The following MARS1 variants were observed in gnomAD, a reference collection of about 807,000 sequenced individuals.
The protein encoded by MARS1 is methionine--tRNA ligase, cytoplasmic.
MARS1 carries 80 observed loss-of-function variants against 119.5 expected under a neutral mutation model. That is an observed-to-expected ratio of 0.67 (90% CI 0.56 to 0.81). The LOEUF (loss-of-function observed/expected upper bound fraction) is 0.81. MARS1 is among the 30% of genes least tolerant of loss of function. The pLI is 0.00. For missense variants in MARS1, 945 were observed against 1,116.5 expected (o/e 0.85, Z 2.19); for synonymous variants, 418 against 433.4 (o/e 0.96, Z 0.44).
intron 11 of MARS1, among the ~76,000 whole-genome samples, chr12:57,505,499 C>T (rs528010373): frequency 1.3e-5 from 2 of 152,006 alleles, no homozygotes; most frequent in South Asian, 2.1e-4. Context: ...TCCTTCTGTA[C>T]CCTGGGCTTG....
rs774583761 is a variant in MARS1 at position 57,516,588 on chromosome 12, T to C, written c.*7T>C. On this transcript the variant is annotated 3_prime_UTR_variant, in exon 21 of 21. Transcript: ENST00000262027. ...AGGCAAGAAGAAAAAGTAAAAGACC[T>C]TGGCTCATAGAAAGTCACTTTAATA... The C allele has an allele frequency of 5.8e-6, 9 of 1,564,872 alleles. No homozygotes were observed. The highest frequency in any genetic ancestry group is 1.2e-5 in the South Asian group (1 of 83,168).
intron 11 of MARS1, among the ~76,000 whole-genome samples, chr12:57,506,448 AAATAT>A (rs1877183130): frequency 6.6e-6 from 1 of 152,104 alleles, no homozygotes; most frequent in East Asian, 1.9e-4. Context: ...TAAATACATA[AAATAT>A]AATAGTCCTC....
At chr12:57,488,533 A>G in intron 1 of MARS1, 1 of 1,529,748 alleles carries the variant, frequency 6.5e-7, no homozygotes, top group South Asian at 1.2e-5. Flanking sequence ...CTAGCATGAC[A>G]GCCCCCAGGC....
intron 7 of MARS1, 33 bp downstream of exon 7, chr12:57,490,677 G>T: frequency 6.3e-7 from 1 of 1,576,002 alleles, no homozygotes; most frequent in South Asian, 1.1e-5. Flanking sequence ...AGTGGGGCTT[G>T]ATTTTGTAGT....
At position 57,500,469 on chromosome 12, in the gene MARS1, C is replaced by T. The variant is rs765788719; in HGVS notation, c.1240C>T (p.Arg414Trp). ...VCPFCGYEEA[R>W]GDQCDKCGKL... Reference sequence around the variant, plus strand: ...TCCCTTCTGTGGCTATGAGGAGGCTCGGGGTGACCAGTGTGACAAGTGTGG... The same window carrying T: ...TCCCTTCTGTGGCTATGAGGAGGCTTGGGGTGACCAGTGTGACAAGTGTGG... The change falls in exon 10 of 21, where the codon CGG becomes TGG. Residue 414 changes from arginine (R) to tryptophan (W), a missense_variant. Coordinates refer to ENST00000262027, the MANE Select transcript of MARS1 (RefSeq NM_004990.4). The T allele has an allele frequency of 6.2e-6, 10 of 1,613,996 alleles. No individual in the cohort carries two copies. Among genetic ancestry groups the T allele is most frequent in the Non-Finnish European group, 5.9e-6 (7 of 1,180,034 alleles).
chr12:57,504,072 T>C, intron 10 of MARS1, 153 bp from the exon 11 acceptor site: 1 of 614,694 alleles, frequency 1.6e-6, no homozygotes, highest in Admixed American at 2.8e-5. Flanking sequence ...TCTCCATGTT[T>C]AGAGTAGGCC....
chr12:57,489,109 G>A lies in MARS1; in HGVS notation c.200G>A (p.Arg67Gln). The change falls in exon 2 of 21, where the codon CGA (arginine) becomes CAA (glutamine). Residue 67 changes from arginine (R) to glutamine (Q), a missense_variant and splice_region_variant. Coordinates refer to ENST00000262027, the MANE Select transcript of MARS1 (RefSeq NM_004990.4). ...CTCTTCTCCACTAGTGCAATCTGCC[G>A]GTCAGTATTGGTCCTTGGTGTAGGG... ...NYLFSTSAIC[R>Q]YFFLLSGWEQ... The A allele has an allele frequency of 1.2e-6, 2 of 1,613,592 alleles. No homozygotes were observed. The highest frequency in any genetic ancestry group is 1.7e-6 in the Non-Finnish European group (2 of 1,179,728).
chr12:57,500,149 T>C, intron 9 of MARS1, 172 bp from the exon 10 acceptor site: 1 of 671,984 alleles, frequency 1.5e-6, no homozygotes, highest in Middle Eastern at 4.3e-4. Context: ...GTGTGATGGG[T>C]CTGAGCTCAT....
chr12:57,508,699 A>AGGGTAGAG (rs1555167936), intron 11 of MARS1, among the ~76,000 whole-genome samples: 1,659 of 145,750 alleles, frequency 0.011, 21 homozygotes, highest in African/African-American at 0.035. Flanking sequence ...GTAGAGGTAG[A>AGGGTAGAG]GGTAGAGGGT....
intron 7 of MARS1, among the ~76,000 whole-genome samples, chr12:57,492,813 G>A (rs1261770055): frequency 6.6e-6 from 1 of 151,968 alleles, no homozygotes; most frequent in Non-Finnish European, 1.5e-5. Context: ...AATCTAATAT[G>A]CAAAGACCTG....
In MARS1 at chr12:57,512,388, A is replaced by T. The variant is rs200967825; in HGVS notation, c.1753+35A>T. 98 of 1,458,466 alleles carry T rather than the reference A, an allele frequency of 6.7e-5. No individual in the cohort carries two copies. The Admixed American group carries it at 1.6e-3, about 24-fold the overall frequency. The allele number at this position is 1,458,466 out of a possible 1,614,324, so 90.3% of individuals were successfully genotyped here. A position where few individuals can be genotyped will look rare whatever the true frequency, so the allele number is the denominator to read the frequency against. ...CTGGAAGACTACTGATGGGGTGTTC[A>T]TAGGAAATGAGGGGTGAGGCAGTAC... is the stretch of plus-strand genomic sequence containing the variant. On this transcript the variant is annotated intron_variant, in intron 14 of 20. Coordinates refer to ENST00000262027, the MANE Select transcript of MARS1 (RefSeq NM_004990.4).
chr12:57,492,248 C>T (rs1186036783), intron 7 of MARS1, among the ~76,000 whole-genome samples: 1 of 146,080 alleles, frequency 6.8e-6, no homozygotes, highest in Non-Finnish European at 1.5e-5. Context: ...CACTGCACTC[C>T]AGCCTGGGAG....
At chr12:57,489,811 G>A in intron 4 of MARS1, 85 bp from the exon 5 acceptor site, 1 of 1,266,776 alleles carries the variant, frequency 7.9e-7, no homozygotes, top group Non-Finnish European at 1.2e-6. Flanking sequence ...GACATATAAA[G>A]TGCTCAGTAA....
chr12:57,493,350 TATATTATATG>T (rs1220714965), intron 7 of MARS1, among the ~76,000 whole-genome samples: 1 of 76,436 alleles, frequency 1.3e-5, no homozygotes, highest in Non-Finnish European at 2.3e-5. Context: ...TTATATAATA[TATATTATATG>T]ATATGTATAA....
intron 11 of MARS1, among the ~76,000 whole-genome samples, chr12:57,505,628 T>C (rs1432361434): frequency 6.6e-6 from 1 of 151,670 alleles, no homozygotes; most frequent in Non-Finnish European, 1.5e-5. Context: ...CTGGAAAACA[T>C]AGTGAGACAC....
At chr12:57,512,170 G>A in intron 13 of MARS1, 66 bp from the exon 14 acceptor site, 3 of 1,598,964 alleles carry the variant, frequency 1.9e-6, no homozygotes, top group South Asian at 1.1e-5. Context: ...TTAGGGTTGG[G>A]TGTCTGGTCT....
At chr12:57,508,241 T>G (rs1263259044) in intron 11 of MARS1, among the ~76,000 whole-genome samples, 2 of 152,238 alleles carry the variant, frequency 1.3e-5, no homozygotes, top group African/African-American at 4.8e-5. Flanking sequence ...GAGATGCTCC[T>G]CACTTCCCAG....
rs956481054 is a variant in MARS1, at chr12:57,504,147, C to T, written c.1294-78C>T. On this transcript the variant is annotated intron_variant, in intron 10 of 20. Coordinates refer to ENST00000262027, the MANE Select transcript of MARS1 (RefSeq NM_004990.4). ...TAGATGGCAGACTGAGGAGCTAATC[C>T]TTCTCTGCTCCTCCCCTTGCCTGGA... 16 of 950,754 alleles carry T rather than the reference C, an allele frequency of 1.7e-5. No individual in the cohort carries two copies. The African/African-American group carries it at 2.1e-4, about 12-fold the overall frequency. 58.9% of individuals were successfully genotyped at this position (950,754 alleles called of 1,614,324 possible). A position where few individuals can be genotyped will look rare whatever the true frequency, so the allele number is the denominator to read the frequency against.
At chr12:57,510,346 C>T (rs932410577) in intron 11 of MARS1, among the ~76,000 whole-genome samples, 1 of 152,158 alleles carries the variant, frequency 6.6e-6, no homozygotes, top group African/African-American at 2.4e-5. Context: ...GTGGCACCGA[C>T]CTGTAGTCCC....
Sources: allele counts gnomAD v4.1 joint callset (sites outside exome capture counted in the v4.1 genomes callset), GRCh38; gene constraint gnomAD v4.1.1; transcripts MANE v1.5; gene names NCBI Gene and HGNC (gene_info 2026-07-23, HGNC 2026-07-21).